NDE1: variants seen among roughly 807,000 people sequenced by gnomAD.
NDE1 encodes nuclear distribution protein nudE homolog 1.
Under a neutral mutation model 43.4 loss-of-function variants are expected in NDE1, and 28 were observed. The ratio of observed to expected loss-of-function variants is 0.65; its 90% CI spans 0.48 to 0.89. The LOEUF is 0.89. NDE1 is among the 40% of genes least tolerant of loss of function. The pLI, the probability that NDE1 is intolerant of heterozygous loss-of-function variation, is 0.00. For synonymous variants in NDE1, 184 were observed against 172.0 expected (o/e 1.07, Z -0.55); for missense variants, 441 against 434.1 (o/e 1.02, Z -0.14).
At chr16:15,685,459 C>T (rs2038391542) in intron 4 of NDE1, among the ~76,000 whole-genome samples, 1 of 152,096 alleles carries the variant, frequency 6.6e-6, no homozygotes, top group African/African-American at 2.4e-5. Flanking sequence ...CTATATTACC[C>T]AGGCTGGTCT....
At position 15,724,948 on chromosome 16, in the gene NDE1, C is replaced by A; in HGVS notation, c.*697C>A. ...CGTCCTTGGCCAGCTTAATGGCCTT[C>A]CCCTCGGCCTCGTTAAGCATCCCTG... is the stretch of plus-strand genomic sequence containing the variant. On this transcript the variant is annotated 3_prime_UTR_variant, in exon 9 of 9. Coordinates refer to ENST00000396354, the MANE Select transcript of NDE1 (RefSeq NM_017668.3). The A allele has an allele frequency of 6.2e-7, 1 of 1,614,146 alleles. No individual in the cohort carries two copies. Among genetic ancestry groups the A allele is most frequent in the Non-Finnish European group, 8.5e-7 (1 of 1,180,032 alleles).
chr16:15,668,955 A>G (rs1041842420), intron 3 of NDE1, among the ~76,000 whole-genome samples: 5 of 152,234 alleles, frequency 3.3e-5, no homozygotes, highest in African/African-American at 1.2e-4. Context: ...GCTGGAGTGC[A>G]GTAGCGCGAT....
chr16:15,662,061 G>T (rs2037073072), intron 1 of NDE1, among the ~76,000 whole-genome samples: 1 of 151,862 alleles, frequency 6.6e-6, no homozygotes, highest in Non-Finnish European at 1.5e-5. Flanking sequence ...AGCCTCCAGA[G>T]TAGCTAGGAC....
intron 1 of NDE1, chr16:15,652,117 C>G (rs2046209774): frequency 6.6e-6 from 1 of 152,140 alleles, no homozygotes; most frequent in African/African-American, 2.4e-5. Context: ...CCAGGCTGGT[C>G]TCAAACTTCT....
chr16:15,651,429 CG>C (rs1251338517), intron 1 of NDE1: 5 of 144,470 alleles, frequency 3.5e-5, no homozygotes, highest in Non-Finnish European at 6.0e-5. Context: ...GTATACAACC[CG>C]TTTTTTTTTT....
intron 4 of NDE1, among the ~76,000 whole-genome samples, chr16:15,685,678 C>T (rs1044318132): frequency 1.3e-5 from 2 of 152,118 alleles, no homozygotes; most frequent in African/African-American, 2.4e-5. Flanking sequence ...TGAACTGATG[C>T]AGCCATTAAT....
Position 15,724,323 on chromosome 16 carries a change from G to A in NDE1, c.*72G>A, listed in dbSNP as rs760611400. ...CCTCGTACTGCTGGGTGAGGTTCTCGATCTCCTTCTGGAACCTCTTCTTCC... is the reference window on the plus strand; with the variant it reads ...CCTCGTACTGCTGGGTGAGGTTCTCAATCTCCTTCTGGAACCTCTTCTTCC... On this transcript the variant is annotated 3_prime_UTR_variant, in exon 9 of 9. Transcript: ENST00000396354. 154 of 1,613,970 alleles carry A rather than the reference G, an allele frequency of 9.5e-5. No individual in the cohort carries two copies. Among genetic ancestry groups the A allele is most frequent in the South Asian group, 1.6e-4 (15 of 91,082 alleles).
chr16:15,687,646 G>A lies in NDE1; in HGVS notation c.523+135G>A, dbSNP rs2038507535. The A allele has an allele frequency of 3.4e-6, 3 of 894,896 alleles. No homozygotes were observed. The Admixed American group carries it at 5.5e-5, about 16-fold the overall frequency. The allele number at this position is 894,896 out of a possible 1,614,324, so 55.4% of individuals were successfully genotyped here. ...TCTGCACCCAGGTTGTCTAATCAGA[G>A]GGTGTCGGACTGCACTGGGCAGACT... is the stretch of plus-strand genomic sequence containing the variant. On this transcript the variant is annotated intron_variant, in intron 5 of 8. Coordinates refer to ENST00000396354, the MANE Select transcript of NDE1 (RefSeq NM_017668.3).
chr16:15,717,962 G>A (rs2040253529), intron 8 of NDE1: 1 of 390,434 alleles, frequency 2.6e-6, no homozygotes, highest in Non-Finnish European at 4.9e-6. Flanking sequence ...TGGAACTAGT[G>A]CTCAGTGACA....
At chr16:15,697,075 G>T in intron 8 of NDE1, 14 of 1,470,542 alleles carry the variant, frequency 9.5e-6, no homozygotes, top group Non-Finnish European at 1.3e-5. Context: ...GTGAGACAGG[G>T]TCTCACTCTG....
intron 1 of NDE1, among the ~76,000 whole-genome samples, chr16:15,659,307 CTA>C (rs34912283): frequency 0.72 from 109,314 of 151,538 alleles, 40,259 homozygotes; most frequent in African/African-American, 0.89. Flanking sequence ...TTAACCAAAA[CTA>C]TATAGCTTGT....
chr16:15,663,565 C>T (rs867507563), intron 1 of NDE1, among the ~76,000 whole-genome samples: 21 of 152,098 alleles, frequency 1.4e-4, no homozygotes, highest in Non-Finnish European at 1.3e-4. Flanking sequence ...TCACATGCTC[C>T]TCATGTGTCG....
intron 2 of NDE1, among the ~76,000 whole-genome samples, chr16:15,665,236 G>A (rs928099569): frequency 1.3e-5 from 2 of 152,032 alleles, no homozygotes; most frequent in East Asian, 1.9e-4. Context: ...GCCAGGCAGT[G>A]TGAAAGGCTT....
chr16:15,668,418 C>T (rs111691323), intron 3 of NDE1, among the ~76,000 whole-genome samples: 4,182 of 152,262 alleles, frequency 0.027, 197 homozygotes, highest in African/African-American at 0.096. Context: ...GCATGCGGCA[C>T]CATGCCTGGT....
At position 15,719,727 on chromosome 16, in the gene NDE1, CAGGG is replaced by C. The variant is rs766943222; in HGVS notation, c.948-4460_948-4457del. ...CTTCATCTGAGCCTGCATGAGTCAA[CAGGG>C]AGGACAAGCTCAGATGTCCTTACTC... is the stretch of plus-strand genomic sequence containing the variant. On this transcript the variant is annotated intron_variant, in intron 8 of 8. Transcript: ENST00000396354. 5.1e-5 allele frequency: 83 copies of C among 1,614,100 alleles called. No homozygotes were observed. Among genetic ancestry groups the C allele is most frequent in the Admixed American group, 2.0e-4 (12 of 60,028 alleles).
intron 8 of NDE1, chr16:15,717,891 T>C (rs1414856634): frequency 3.6e-6 from 1 of 280,660 alleles, no homozygotes; most frequent in Non-Finnish European, 6.9e-6. Context: ...TGGAGAATGA[T>C]GCCTGTTCAC....
intron 8 of NDE1, among the ~76,000 whole-genome samples, chr16:15,722,773 C>T (rs1426151692): frequency 6.6e-6 from 1 of 152,172 alleles, no homozygotes; most frequent in African/African-American, 2.4e-5. Context: ...AGGGTTTTCA[C>T]TCCATCACTC....
rs1382813385 is a variant in NDE1 at position 15,687,382 on chromosome 16, A to G, written c.394A>G (p.Ile132Val). The G allele has an allele frequency of 1.2e-6, 2 of 1,614,172 alleles. No individual in the cohort carries two copies. Among genetic ancestry groups the G allele is most frequent in the Non-Finnish European group, 1.7e-6 (2 of 1,180,028 alleles). ...DDLERAKRATIMSLEDFEQRL... is the reference protein window; with the variant it reads ...DDLERAKRATVMSLEDFEQRL... ...TGCTTTTCTCTTCGCCAGCGCCACGATCATGTCTCTCGAAGACTTTGAGCA... is the reference window on the plus strand; with the variant it reads ...TGCTTTTCTCTTCGCCAGCGCCACGGTCATGTCTCTCGAAGACTTTGAGCA... Residue 132 changes from isoleucine to valine, a missense_variant, in exon 5 of 9, where the codon ATC (isoleucine) becomes GTC (valine). Transcript: ENST00000396354.
In NDE1 at chr16:15,691,099, C is replaced by T. The variant is rs114622559; in HGVS notation, c.524-45C>T. On this transcript the variant is annotated intron_variant, in intron 5 of 8. Coordinates refer to ENST00000396354, the MANE Select transcript of NDE1 (RefSeq NM_017668.3). ...CTGGCATTATAAACATGAGCCACTG[C>T]GCCTGGCTGAGGACTTGAATTCCTG... 1,250 of 1,611,868 alleles carry T rather than the reference C, an allele frequency of 7.8e-4. 10 individuals carry two copies. The African/African-American group carries it at 0.012, about 16-fold the overall frequency.
Sources: allele counts gnomAD v4.1 joint callset (sites outside exome capture counted in the v4.1 genomes callset), GRCh38; gene constraint gnomAD v4.1.1; transcripts MANE v1.5; gene names NCBI Gene and HGNC (gene_info 2026-07-23, HGNC 2026-07-21).